Variants in SMOC1 observed in about 807,000 individuals in gnomAD.
The protein encoded by SMOC1 is SPARC related modular calcium binding 1.
Under a neutral mutation model 56.3 loss-of-function variants are expected in SMOC1, and 22 were observed. That is an observed-to-expected ratio of 0.39 (90% CI 0.28 to 0.56). The LOEUF is 0.56. Among genes scored for constraint, SMOC1 ranks in the 20% least tolerant of loss-of-function variants. SMOC1 has a pLI of 0.61. For synonymous variants in SMOC1, 193 were observed against 215.0 expected (o/e 0.90, Z 0.89); for missense variants, 509 against 565.4 (o/e 0.90, Z 1.01).
intron 5 of SMOC1, among the ~76,000 whole-genome samples, chr14:69,978,428 G>A (rs1417084097): frequency 6.6e-6 from 1 of 152,144 alleles, no homozygotes; most frequent in Non-Finnish European, 1.5e-5. Flanking sequence ...TCACTAAGGC[G>A]AGGCTGGCTT....
chr14:69,957,949 A>C (rs1883246755), intron 3 of SMOC1, among the ~76,000 whole-genome samples: 2 of 152,252 alleles, frequency 1.3e-5, no homozygotes, highest in African/African-American at 4.8e-5. Flanking sequence ...AGAGATTAAG[A>C]CATATGATAA....
At chr14:70,004,316 G>C (rs951002173) in intron 7 of SMOC1, among the ~76,000 whole-genome samples, 3 of 152,298 alleles carry the variant, frequency 2.0e-5, no homozygotes, top group African/African-American at 7.2e-5. Flanking sequence ...ATTTGGCTAG[G>C]CCATCCTGCC....
intron 1 of SMOC1, among the ~76,000 whole-genome samples, chr14:69,905,067 G>C (rs1032836382): frequency 6.6e-6 from 1 of 152,134 alleles, no homozygotes; most frequent in African/African-American, 2.4e-5. Flanking sequence ...GACTCATATC[G>C]TGATGGTGGT....
At chr14:70,000,766 G>A (rs1008127470) in intron 7 of SMOC1, among the ~76,000 whole-genome samples, 1 of 152,270 alleles carries the variant, frequency 6.6e-6, no homozygotes, top group Middle Eastern at 3.4e-3. Flanking sequence ...TGACCATTTT[G>A]GGTTACACAG....
intron 1 of SMOC1, 56 bp downstream of exon 1, chr14:69,879,833 CCCTCA>C: frequency 1.4e-6 from 2 of 1,446,010 alleles, no homozygotes; most frequent in Non-Finnish European, 9.3e-7. Context: ...GTTGCTTCCC[CCCTCA>C]TCCCTGAGGG....
intron 3 of SMOC1, among the ~76,000 whole-genome samples, chr14:69,962,444 G>A (rs61981764): frequency 0.033 from 5,034 of 152,314 alleles, 123 homozygotes; most frequent in Non-Finnish European, 0.05. Flanking sequence ...GATTACAGGC[G>A]TGAGCCACTG....
At chr14:69,963,696 T>G (rs992823083) in intron 3 of SMOC1, among the ~76,000 whole-genome samples, 1 of 152,142 alleles carries the variant, frequency 6.6e-6, no homozygotes, top group Admixed American at 6.5e-5. Context: ...CACCCTACTT[T>G]TGCCTTCCTG....
chr14:69,881,223 A>T (rs186238519), intron 1 of SMOC1, among the ~76,000 whole-genome samples: 65 of 152,092 alleles, frequency 4.3e-4, no homozygotes, highest in African/African-American at 1.5e-3. Flanking sequence ...TGATATTAGG[A>T]CTCAGAGCTC....
chr14:70,000,365 A>G (rs972911379), intron 7 of SMOC1, among the ~76,000 whole-genome samples: 14 of 152,202 alleles, frequency 9.2e-5, no homozygotes, highest in Non-Finnish European at 1.8e-4. Flanking sequence ...TGTCAGTTTA[A>G]GGCCAATGAA....
At chr14:69,964,406 C>T (rs1481666371) in intron 3 of SMOC1, among the ~76,000 whole-genome samples, 2 of 147,106 alleles carry the variant, frequency 1.4e-5, no homozygotes, top group Non-Finnish European at 3.0e-5. Context: ...GAGACAGAGT[C>T]TCACTCTGTC....
intron 1 of SMOC1, among the ~76,000 whole-genome samples, chr14:69,943,807 C>T (rs901536254): frequency 1.3e-5 from 2 of 152,160 alleles, no homozygotes; most frequent in African/African-American, 2.4e-5. Flanking sequence ...GCTCTTTTTG[C>T]TTCTGGTGCC....
intron 1 of SMOC1, among the ~76,000 whole-genome samples, chr14:69,883,813 T>C (rs1022227070): frequency 2.0e-5 from 3 of 151,502 alleles, no homozygotes; most frequent in African/African-American, 7.3e-5. Context: ...TTTTTGATAA[T>C]AGCCATTCTA....
intron 1 of SMOC1, among the ~76,000 whole-genome samples, chr14:69,915,318 C>G (rs573515675): frequency 2.2e-4 from 33 of 152,286 alleles, no homozygotes; most frequent in African/African-American, 7.7e-4. Context: ...CATGTCTGTG[C>G]CCTGAACCTC....
intron 7 of SMOC1, 21 bp downstream of exon 7, chr14:69,994,501 T>C: frequency 6.3e-7 from 1 of 1,583,802 alleles, no homozygotes; most frequent in Non-Finnish European, 8.7e-7. Flanking sequence ...TTCCTTGGAT[T>C]ATATATGTAC....
chr14:69,948,479 C>G (rs1882872683), intron 1 of SMOC1, among the ~76,000 whole-genome samples: 1 of 152,132 alleles, frequency 6.6e-6, no homozygotes, highest in Admixed American at 6.5e-5. Flanking sequence ...GAGTGTTCCC[C>G]TTGTTAGGAA....
chr14:69,982,769 G>C (rs1884226298), intron 5 of SMOC1, among the ~76,000 whole-genome samples: 2 of 152,324 alleles, frequency 1.3e-5, no homozygotes, highest in African/African-American at 2.4e-5. Context: ...TGATCTCTTA[G>C]CATTGCCATC....
chr14:69,885,769 G>A, intron 1 of SMOC1: 1 of 1,530,846 alleles, frequency 6.5e-7, no homozygotes, highest in Non-Finnish European at 9.0e-7. Context: ...CGTCCCCTTT[G>A]CCAGCAGCTT....
intron 1 of SMOC1, among the ~76,000 whole-genome samples, chr14:69,903,593 A>G (rs140761719): frequency 0.011 from 1,691 of 152,334 alleles, 39 homozygotes; most frequent in South Asian, 0.098. Context: ...CTGTTGATCT[A>G]CGACCTTACC....
chr14:69,903,043 G>A (rs1043686282), intron 1 of SMOC1, among the ~76,000 whole-genome samples: 17 of 151,034 alleles, frequency 1.1e-4, no homozygotes, highest in Admixed American at 7.2e-4. Context: ...CCGCCACCCC[G>A]TCTGGGAAGT....
Sources: allele counts gnomAD v4.1 joint callset (sites outside exome capture counted in the v4.1 genomes callset), GRCh38; gene constraint gnomAD v4.1.1; transcripts MANE v1.5; gene names NCBI Gene and HGNC (gene_info 2026-07-23, HGNC 2026-07-21).